The following NKAIN3 variants were observed in gnomAD, a reference collection of about 807,000 sequenced individuals.
NKAIN3 encodes the protein sodium/potassium-transporting ATPase subunit beta-1-interacting protein 3.
Under a neutral mutation model 30.2 loss-of-function variants are expected in NKAIN3, and 25 were observed. That is an observed-to-expected ratio of 0.83 (90% CI 0.60 to 1.16). The LOEUF (loss-of-function observed/expected upper bound fraction) is 1.16, where lower values mean the gene tolerates loss of function less well. Among genes scored for constraint, NKAIN3 ranks in the 50% most tolerant of loss-of-function variants. The pLI is 0.00. For missense variants in NKAIN3, 225 were observed against 254.1 expected (o/e 0.89, Z 0.78); for synonymous variants, 91 against 89.6 (o/e 1.02, Z -0.09).
At chr8:62,301,572 T>G (rs1814051540) in intron 1 of NKAIN3, among the ~76,000 whole-genome samples, 1 of 152,056 alleles carries the variant, frequency 6.6e-6, no homozygotes, top group Non-Finnish European at 1.5e-5. Context: ...CATATTCAGT[T>G]AGGTTACAAT....
At chr8:62,805,338 T>C (rs1183492538) in intron 4 of NKAIN3, among the ~76,000 whole-genome samples, 10 of 151,470 alleles carry the variant, frequency 6.6e-5, no homozygotes, top group Non-Finnish European at 1.2e-4. Context: ...GAGCCCGCAT[T>C]GCCAAGTCAA....
intron 1 of NKAIN3, among the ~76,000 whole-genome samples, chr8:62,505,018 A>T (rs1406276739): frequency 6.6e-6 from 1 of 152,212 alleles, no homozygotes; most frequent in Non-Finnish European, 1.5e-5. Flanking sequence ...TATTGTAGTT[A>T]ATAAGCATTT....
intron 1 of NKAIN3, among the ~76,000 whole-genome samples, chr8:62,379,536 G>A (rs529784580): frequency 6.6e-6 from 1 of 152,024 alleles, no homozygotes; most frequent in Admixed American, 6.6e-5. Flanking sequence ...AAACCATGAG[G>A]ACATTTTCCA....
intron 4 of NKAIN3, among the ~76,000 whole-genome samples, chr8:62,842,410 T>A (rs1353318829): frequency 5.3e-5 from 8 of 152,006 alleles, no homozygotes; most frequent in Non-Finnish European, 1.5e-5. Context: ...ACTGAAATAA[T>A]TAATATTATT....
intron 3 of NKAIN3, among the ~76,000 whole-genome samples, chr8:62,647,628 G>C (rs1812507594): frequency 6.6e-6 from 1 of 152,098 alleles, no homozygotes; most frequent in South Asian, 2.1e-4. Flanking sequence ...AGAGGAGGGA[G>C]GACTGTTTTA....
At chr8:62,796,333 G>A (rs1006128637) in intron 4 of NKAIN3, among the ~76,000 whole-genome samples, 5 of 119,914 alleles carry the variant, frequency 4.2e-5, no homozygotes, top group Admixed American at 3.5e-4. Context: ...GCAGTGAGCC[G>A]AGATCACACC....
chr8:62,266,221 A>G (rs1048091720), intron 1 of NKAIN3, among the ~76,000 whole-genome samples: 1 of 152,188 alleles, frequency 6.6e-6, no homozygotes, highest in African/African-American at 2.4e-5. Flanking sequence ...GAAATAAATA[A>G]GATTCTATGT....
At chr8:62,764,017 C>T (rs1312257331) in intron 4 of NKAIN3, among the ~76,000 whole-genome samples, 1 of 152,186 alleles carries the variant, frequency 6.6e-6, no homozygotes, top group Non-Finnish European at 1.5e-5. Context: ...GCTGGCATGT[C>T]TCTGGTTAGG....
intron 3 of NKAIN3, among the ~76,000 whole-genome samples, chr8:62,676,516 C>T (rs1004953132): frequency 2.0e-5 from 3 of 152,152 alleles, no homozygotes; most frequent in African/African-American, 7.2e-5. Flanking sequence ...TCGCAGTGAG[C>T]GGAGATTGCA....
chr8:62,878,832 A>T (rs1254122751), intron 4 of NKAIN3, among the ~76,000 whole-genome samples: 1 of 152,044 alleles, frequency 6.6e-6, no homozygotes, highest in African/African-American at 2.4e-5. Context: ...CCCTACAAAG[A>T]ACATGAACTC....
intron 1 of NKAIN3, among the ~76,000 whole-genome samples, chr8:62,404,564 T>C (rs1803999747): frequency 6.6e-6 from 1 of 152,160 alleles, no homozygotes; most frequent in Non-Finnish European, 1.5e-5. Context: ...TTCTTCTCCT[T>C]CCTGTCACCA....
At chr8:62,349,480 G>A (rs1040532144) in intron 1 of NKAIN3, among the ~76,000 whole-genome samples, 11 of 152,154 alleles carry the variant, frequency 7.2e-5, no homozygotes, top group Admixed American at 3.9e-4. Flanking sequence ...TATACATTTA[G>A]TGAATAAAAC....
intron 1 of NKAIN3, among the ~76,000 whole-genome samples, chr8:62,410,828 T>C (rs1804214377): frequency 6.6e-6 from 1 of 151,742 alleles, no homozygotes; most frequent in Admixed American, 6.6e-5. Context: ...ATTAAAACCA[T>C]GAATAGACCA....
intron 4 of NKAIN3, among the ~76,000 whole-genome samples, chr8:62,752,716 C>T (rs1036458881): frequency 6.6e-6 from 1 of 152,088 alleles, no homozygotes; most frequent in Non-Finnish European, 1.5e-5. Flanking sequence ...TAGAACTGTA[C>T]TGAGTGCAGA....
intron 4 of NKAIN3, among the ~76,000 whole-genome samples, chr8:62,829,080 A>G (rs1819114781): frequency 6.6e-6 from 1 of 152,198 alleles, no homozygotes; most frequent in Non-Finnish European, 1.5e-5. Context: ...AATTTGTTTG[A>G]TAGATAATAT....
At chr8:62,604,832 T>G (rs1338969597) in intron 3 of NKAIN3, among the ~76,000 whole-genome samples, 1 of 152,166 alleles carries the variant, frequency 6.6e-6, no homozygotes, top group Non-Finnish European at 1.5e-5. Flanking sequence ...TTCCAAATTT[T>G]CTAAGTGTTC....
At chr8:62,602,432 C>T (rs1297676286) in intron 3 of NKAIN3, among the ~76,000 whole-genome samples, 1 of 152,046 alleles carries the variant, frequency 6.6e-6, no homozygotes, top group Non-Finnish European at 1.5e-5. Flanking sequence ...AGTTTATTGA[C>T]TCAACTCATG....
intron 1 of NKAIN3, among the ~76,000 whole-genome samples, chr8:62,572,735 G>A (rs2130027407): frequency 6.6e-6 from 1 of 151,628 alleles, no homozygotes; most frequent in East Asian, 2.0e-4. Flanking sequence ...AAAACCATTA[G>A]ATCTCATGAG....
intron 1 of NKAIN3, among the ~76,000 whole-genome samples, chr8:62,513,051 A>G (rs1181704811): frequency 6.6e-6 from 1 of 152,098 alleles, no homozygotes; most frequent in Non-Finnish European, 1.5e-5. Flanking sequence ...TTTGAAAAAT[A>G]TATATAAAAT....
Sources: gnomAD v4.1 joint callset for allele counts (sites outside exome capture counted in the v4.1 genomes callset) on GRCh38, gnomAD v4.1.1 for gene constraint, MANE v1.5 for transcripts, NCBI Gene and HGNC (gene_info 2026-07-23, HGNC 2026-07-21) for gene names.